Variants in TSPAN18 observed in about 807,000 individuals in gnomAD.
The protein encoded by TSPAN18 is tetraspanin 18, also known as tetraspanin-18.
Under a neutral mutation model 27.3 loss-of-function variants are expected in TSPAN18, and 14 were observed. The ratio of observed to expected loss-of-function variants is 0.51; its 90% CI spans 0.34 to 0.80. The LOEUF (loss-of-function observed/expected upper bound fraction) is 0.80, where lower values mean the gene tolerates loss of function less well. Among genes scored for constraint, TSPAN18 ranks in the 30% least tolerant of loss-of-function variants. TSPAN18 has a pLI of 0.01. For missense variants in TSPAN18, 268 were observed against 323.9 expected (o/e 0.83, Z 1.32); for synonymous variants, 143 against 136.5 (o/e 1.05, Z -0.33).
At chr11:44,832,363 C>T (rs193297571) in intron 2 of TSPAN18, among the ~76,000 whole-genome samples, 18 of 152,338 alleles carry the variant, frequency 1.2e-4, no homozygotes, top group African/African-American at 4.3e-4. Context: ...CTTGTTGGTG[C>T]TCCACTTGAT....
rs1422850198 is a variant in TSPAN18, at chr11:44,932,193, T to C, written c.*3015T>C. On this transcript the variant is annotated 3_prime_UTR_variant, in exon 10 of 10. Coordinates refer to ENST00000520358, the MANE Select transcript of TSPAN18 (RefSeq NM_130783.5). ...CGTCTCCCCAGAAGCCCCCTCCTCCTTCCCCCATGGGTCATATGTTGAAAG... is the reference window on the plus strand; with the variant it reads ...CGTCTCCCCAGAAGCCCCCTCCTCCCTCCCCCATGGGTCATATGTTGAAAG... 1 of 151,214 alleles carries C rather than the reference T, an allele frequency of 6.6e-6. No homozygotes were observed. The highest frequency in any genetic ancestry group is 1.5e-5 in the Non-Finnish European group (1 of 67,966). The allele number at this position is 151,214 out of a possible 1,614,324, so 9.4% of individuals were successfully genotyped here.
chr11:44,904,141 C>G (rs1859370004), intron 3 of TSPAN18, among the ~76,000 whole-genome samples: 1 of 152,120 alleles, frequency 6.6e-6, no homozygotes, highest in African/African-American at 2.4e-5. Flanking sequence ...CAGGTTCACC[C>G]CATGATTTTT....
chr11:44,743,552 TTC>T (rs554574660), intron 1 of TSPAN18, among the ~76,000 whole-genome samples: 188 of 152,322 alleles, frequency 1.2e-3, no homozygotes, highest in African/African-American at 4.3e-3. Flanking sequence ...CTGGTGGGGC[TTC>T]TGCAGGAACA....
chr11:44,814,224 G>A (rs909773661), intron 2 of TSPAN18, among the ~76,000 whole-genome samples: 5 of 115,128 alleles, frequency 4.3e-5, no homozygotes, highest in African/African-American at 6.8e-5. Context: ...ATCTCTTCCT[G>A]TTGCAGAATA....
chr11:44,893,585 C>G (rs1338123374), intron 3 of TSPAN18, among the ~76,000 whole-genome samples: 2 of 152,212 alleles, frequency 1.3e-5, no homozygotes, highest in South Asian at 4.1e-4. Flanking sequence ...CTCGGGCCGG[C>G]GTCCTGACCA....
chr11:44,797,212 A>C (rs1251110815), intron 2 of TSPAN18, among the ~76,000 whole-genome samples: 1 of 152,006 alleles, frequency 6.6e-6, no homozygotes, highest in African/African-American at 2.4e-5. Flanking sequence ...CAAAGCAAAG[A>C]CTCTTTCTGC....
chr11:44,794,040 A>G lies in TSPAN18; in HGVS notation c.-153+29528A>G, dbSNP rs148536408. On this transcript the variant is annotated intron_variant, in intron 2 of 9. Coordinates refer to ENST00000520358, the MANE Select transcript of TSPAN18 (RefSeq NM_130783.5). ...GGACTTGAAAGCAAGAGCCACGTCCATTAATCCTTTAGCTCTGATTGTGTT... is the reference window on the plus strand; with the variant it reads ...GGACTTGAAAGCAAGAGCCACGTCCGTTAATCCTTTAGCTCTGATTGTGTT... Among the ~76,000 whole-genome samples the G allele has an allele frequency of 1.1e-3, 166 of 152,346 alleles. 4 individuals are homozygous for G. In the East Asian group the frequency reaches 0.031, roughly 28 times the overall value.
chr11:44,927,610 C>T (rs894003077), intron 9 of TSPAN18, among the ~76,000 whole-genome samples: 2 of 152,178 alleles, frequency 1.3e-5, no homozygotes, highest in Non-Finnish European at 2.9e-5. Flanking sequence ...ATTGATTATT[C>T]ATTCATGTAT....
rs188508900 is a variant in TSPAN18 at position 44,852,938 on chromosome 11, G to A, written c.-152-7390G>A. Among the ~76,000 whole-genome samples the A allele has an allele frequency of 1.7e-4, 26 of 152,296 alleles. No homozygotes were observed. The East Asian group carries it at 4.4e-3, about 26-fold the overall frequency. On this transcript the variant is annotated intron_variant, in intron 2 of 9. Coordinates refer to ENST00000520358, the MANE Select transcript of TSPAN18 (RefSeq NM_130783.5). Reference sequence around the variant, plus strand: ...CCATTCCAACTTGGAAGGCACAGACGCATCTAATATCTACCAAAACGTCCA... The same window carrying A: ...CCATTCCAACTTGGAAGGCACAGACACATCTAATATCTACCAAAACGTCCA...
chr11:44,765,214 A>G (rs1036630448), intron 2 of TSPAN18, among the ~76,000 whole-genome samples: 3 of 152,202 alleles, frequency 2.0e-5, no homozygotes, highest in Non-Finnish European at 2.9e-5. Context: ...AAAATGAGGC[A>G]GCTGCAACTT....
intron 2 of TSPAN18, among the ~76,000 whole-genome samples, chr11:44,854,887 C>T (rs1325983190): frequency 6.6e-6 from 1 of 152,186 alleles, no homozygotes; most frequent in Non-Finnish European, 1.5e-5. Flanking sequence ...TTGGTTTGTA[C>T]TAATTAGGAA....
chr11:44,906,320 G>A lies in TSPAN18; in HGVS notation c.-10-87G>A, dbSNP rs548979412. The A allele has an allele frequency of 4.6e-5, 54 of 1,181,212 alleles. No individual in the cohort carries two copies. The Admixed American group carries it at 5.4e-4, about 12-fold the overall frequency. 73.2% of individuals were successfully genotyped at this position (1,181,212 alleles called of 1,614,324 possible). A position where few individuals can be genotyped will look rare whatever the true frequency, so the allele number is the denominator to read the frequency against. ...TTCCAGCCTTTGCAAGGGTGGGGCT[G>A]GCTGCGGGGAACCCCTGGGGAGGGG... On this transcript the variant is annotated intron_variant, in intron 3 of 9. Coordinates refer to ENST00000520358, the MANE Select transcript of TSPAN18 (RefSeq NM_130783.5).
intron 2 of TSPAN18, among the ~76,000 whole-genome samples, chr11:44,842,002 C>A (rs1020609345): frequency 4.7e-4 from 72 of 152,220 alleles, no homozygotes; most frequent in African/African-American, 1.4e-3. Flanking sequence ...ATCTAGCCCA[C>A]CTTTTCATTG....
At chr11:44,918,108 A>G (rs1418892828) in intron 6 of TSPAN18, 62 bp downstream of exon 6, 4 of 1,543,508 alleles carry the variant, frequency 2.6e-6, no homozygotes, top group African/African-American at 2.7e-5. Context: ...GTGGCCATTC[A>G]GGTCTGGCTC....
chr11:44,775,865 G>A (rs1285690720), intron 2 of TSPAN18, among the ~76,000 whole-genome samples: 3 of 152,230 alleles, frequency 2.0e-5, no homozygotes, highest in Non-Finnish European at 2.9e-5. Context: ...TTTTATAAAA[G>A]TGATTGGAGG....
chr11:44,836,508 A>T (rs779135348), intron 2 of TSPAN18, among the ~76,000 whole-genome samples: 3 of 152,368 alleles, frequency 2.0e-5, no homozygotes, highest in African/African-American at 4.8e-5. Context: ...GGAAGTGCTG[A>T]TGGAGAAGCT....
At chr11:44,879,001 C>T (rs1446243429) in intron 3 of TSPAN18, among the ~76,000 whole-genome samples, 4 of 152,210 alleles carry the variant, frequency 2.6e-5, no homozygotes, top group Admixed American at 6.5e-5. Context: ...CACAGCCACG[C>T]GACCTGCGTA....
At chr11:44,773,593 T>G (rs1855739100) in intron 2 of TSPAN18, among the ~76,000 whole-genome samples, 1 of 152,306 alleles carries the variant, frequency 6.6e-6, no homozygotes, top group African/African-American at 2.4e-5. Flanking sequence ...TACAGGCAGT[T>G]CATCCCTTTG....
intron 3 of TSPAN18, among the ~76,000 whole-genome samples, chr11:44,900,674 G>C (rs1859225764): frequency 7.5e-6 from 1 of 133,710 alleles, no homozygotes; most frequent in Admixed American, 7.9e-5. Context: ...TACAACTTGA[G>C]GAAGGCTTTT....
Sources: gnomAD v4.1 joint callset for allele counts (sites outside exome capture counted in the v4.1 genomes callset) on GRCh38, gnomAD v4.1.1 for gene constraint, MANE v1.5 for transcripts, NCBI Gene and HGNC (gene_info 2026-07-23, HGNC 2026-07-21) for gene names.